The following CTNNA2 variants were observed in gnomAD, a reference collection of about 807,000 sequenced individuals.
CTNNA2 encodes the protein catenin alpha-2.
In CTNNA2, 42 loss-of-function variants were observed where a neutral mutation model predicts 101.0. The observed-to-expected ratio is 0.42, with a 90% CI of 0.32 to 0.54. The LOEUF (loss-of-function observed/expected upper bound fraction) is 0.54. CTNNA2 is among the 20% of genes least tolerant of loss of function. The pLI, the probability that CTNNA2 is intolerant of heterozygous loss-of-function variation, is 0.14. For missense variants in CTNNA2, 871 were observed against 1,223.1 expected, an observed-to-expected ratio of 0.71 and a Z score of 4.29; for synonymous variants, 450 against 456.4, an observed-to-expected ratio of 0.99 and a Z score of 0.18.
At position 79,220,407 on chromosome 2, in the gene CTNNA2, C is replaced by T. The variant is rs74813969; in HGVS notation, c.-406+22331C>T. ...GGTGCAGGAATGATAGAAATTCTAA[C>T]ACTGAATCCCAGAAGTAGACTTTCT... is the stretch of plus-strand genomic sequence containing the variant. On this transcript the variant is annotated intron_variant, in intron 2 of 21. Coordinates refer to the CTNNA2 transcript ENST00000466387. Among the ~76,000 whole-genome samples the T allele has an allele frequency of 3.7e-3, 564 of 152,168 alleles. 2 individuals carry two copies. Among genetic ancestry groups the T allele is most frequent in the African/African-American group, 0.013 (552 of 41,520 alleles).
intron 6 of CTNNA2, among the ~76,000 whole-genome samples, chr2:79,889,266 A>C (rs566820449): frequency 4.0e-4 from 61 of 152,268 alleles, no homozygotes; most frequent in African/African-American, 1.4e-3. Context: ...TATTTCCTGA[A>C]CTTCTTTTCC....
Position 80,562,651 on chromosome 2 carries a change from TTAC to T in CTNNA2, c.1741+6759_1741+6761del, listed in dbSNP as rs1209166816. 2.0e-4 allele frequency among the ~76,000 whole-genome samples: 31 copies of T among 152,294 alleles called. No homozygotes were observed. The South Asian group carries it at 2.5e-3, about 12-fold the overall frequency. On this transcript the variant is annotated intron_variant, in intron 12 of 18. Transcript: ENST00000402739. ...AAAAACGTATGCACAAGATTATTTATTACAAGACTGTAGGCTAGAAACAACACA... is the reference window on the plus strand; with the variant it reads ...AAAAACGTATGCACAAGATTATTTATAAGACTGTAGGCTAGAAACAACACA...
chr2:79,930,260 A>AAGAGAGAGAGAGAGAAAG (rs1687300455), intron 7 of CTNNA2, among the ~76,000 whole-genome samples: 1 of 44,638 alleles, frequency 2.2e-5, no homozygotes, highest in African/African-American at 5.9e-5. Context: ...GAAAGAAAGA[A>AAGAGAGAGAGAGAGAAAG]AGAAAGAAAG....
chr2:80,480,884 A>G (rs998624744), intron 9 of CTNNA2, among the ~76,000 whole-genome samples: 22 of 152,062 alleles, frequency 1.4e-4, no homozygotes, highest in Admixed American at 1.3e-4. Context: ...CTTTAATAAG[A>G]TAGTTGCGAT....
At chr2:80,489,585 T>C (rs984799456) in intron 9 of CTNNA2, among the ~76,000 whole-genome samples, 3 of 152,206 alleles carry the variant, frequency 2.0e-5, no homozygotes, top group African/African-American at 7.2e-5. Flanking sequence ...TTGAAATTAA[T>C]ACTTCACTTC....
intron 7 of CTNNA2, among the ~76,000 whole-genome samples, chr2:80,347,119 T>C (rs941242334): frequency 2.8e-5 from 4 of 144,570 alleles, no homozygotes; most frequent in African/African-American, 1.1e-4. Context: ...AGCTTTGTGC[T>C]ATATAGCAAT....
chr2:80,126,617 TCCCTCCC>T (rs1702132195), intron 7 of CTNNA2, among the ~76,000 whole-genome samples: 1 of 39,118 alleles, frequency 2.6e-5, no homozygotes, highest in African/African-American at 1.0e-4. Flanking sequence ...CCTCCCTCCC[TCCCTCCC>T]TCCCTCCCTC....
chr2:79,870,083 G>T (rs1478301254), intron 5 of CTNNA2, 148 bp downstream of exon 5: 38 of 1,015,820 alleles, frequency 3.7e-5, no homozygotes, highest in Admixed American at 4.9e-5. Flanking sequence ...TTCCTGCAGG[G>T]GCCAGTTGTG....
At chr2:79,658,027 T>C (rs911515476) in intron 2 of CTNNA2, among the ~76,000 whole-genome samples, 1 of 151,892 alleles carries the variant, frequency 6.6e-6, no homozygotes, top group African/African-American at 2.4e-5. Flanking sequence ...AAGATAAATA[T>C]ACAAAAAATA....
At chr2:79,473,883 C>A (rs1671026095) in intron 4 of CTNNA2, among the ~76,000 whole-genome samples, 1 of 152,100 alleles carries the variant, frequency 6.6e-6, no homozygotes, top group Non-Finnish European at 1.5e-5. Flanking sequence ...TCTAAAGCAG[C>A]TTTGTCCAAT....
intron 7 of CTNNA2, among the ~76,000 whole-genome samples, chr2:80,162,164 A>G (rs951240752): frequency 3.9e-5 from 6 of 152,206 alleles, no homozygotes; most frequent in African/African-American, 9.7e-5. Flanking sequence ...TATCTGCTTT[A>G]TCATACAACT....
intron 1 of CTNNA2, among the ~76,000 whole-genome samples, chr2:79,624,745 G>T (rs987938016): frequency 2.6e-5 from 4 of 152,158 alleles, no homozygotes; most frequent in Non-Finnish European, 2.9e-5. Flanking sequence ...TAATCATAAA[G>T]CTTACACCCT....
intron 2 of CTNNA2, among the ~76,000 whole-genome samples, chr2:79,730,609 A>G (rs1687137522): frequency 6.6e-6 from 1 of 152,028 alleles, no homozygotes; most frequent in African/African-American, 2.4e-5. Context: ...AATTCCAGCT[A>G]TTAATTTTTG....
chr2:79,935,696 T>C (rs772655995), intron 7 of CTNNA2, among the ~76,000 whole-genome samples: 1 of 152,212 alleles, frequency 6.6e-6, no homozygotes, highest in Non-Finnish European at 1.5e-5. Flanking sequence ...CTAACTGGGG[T>C]GGAGAAATGA....
chr2:79,921,778 C>T (rs569751560), intron 7 of CTNNA2, among the ~76,000 whole-genome samples: 1 of 152,258 alleles, frequency 6.6e-6, no homozygotes, highest in African/African-American at 2.4e-5. Flanking sequence ...AGAGCTATGC[C>T]ATTTACACCT....
At chr2:79,704,011 A>T (rs1297548830) in intron 2 of CTNNA2, among the ~76,000 whole-genome samples, 1 of 152,152 alleles carries the variant, frequency 6.6e-6, no homozygotes, top group East Asian at 1.9e-4. Flanking sequence ...GAAAGTTGGC[A>T]TATATATTTA....
chr2:79,559,716 G>T (rs1674657275), intron 1 of CTNNA2, among the ~76,000 whole-genome samples: 1 of 151,788 alleles, frequency 6.6e-6, no homozygotes, highest in Non-Finnish European at 1.5e-5. Context: ...GTTCTATCTA[G>T]CAGAGAATTC....
chr2:79,429,487 A>G (rs985200837), intron 4 of CTNNA2, among the ~76,000 whole-genome samples: 5 of 152,144 alleles, frequency 3.3e-5, no homozygotes, highest in African/African-American at 4.8e-5. Context: ...TCATTTTATC[A>G]TATCACTTTT....
At chr2:79,530,628 G>T (rs1248319198) in intron 1 of CTNNA2, among the ~76,000 whole-genome samples, 1 of 152,172 alleles carries the variant, frequency 6.6e-6, no homozygotes, top group Non-Finnish European at 1.5e-5. Context: ...GAGGCCGCTA[G>T]AGGCCACTGT....
Sources: allele counts gnomAD v4.1 joint callset (sites outside exome capture counted in the v4.1 genomes callset), GRCh38; gene constraint gnomAD v4.1.1; transcripts MANE v1.5; gene names NCBI Gene and HGNC (gene_info 2026-07-23, HGNC 2026-07-21).